The following AVEN variants were observed in gnomAD, a reference collection of about 807,000 sequenced individuals.
AVEN encodes the protein apoptosis and caspase activation inhibitor, also known as cell death regulator Aven.
Under a neutral mutation model 38.1 loss-of-function variants are expected in AVEN, and 41 were observed. That is an observed-to-expected ratio of 1.08 (90% CI 0.84 to 1.40). The LOEUF (loss-of-function observed/expected upper bound fraction) is 1.40, where lower values mean the gene tolerates loss of function less well. AVEN is among the 40% of genes most tolerant of loss of function. AVEN has a pLI of 0.00. For missense variants in AVEN, 605 were observed against 438.8 expected (o/e 1.38, Z -3.38); for synonymous variants, 206 against 171.8 (o/e 1.20, Z -1.56).
chr15:33,893,254 A>G (rs1450158800), intron 2 of AVEN, among the ~76,000 whole-genome samples: 3 of 152,180 alleles, frequency 2.0e-5, no homozygotes, highest in Non-Finnish European at 4.4e-5. Flanking sequence ...TTCCAACACT[A>G]TGTTGAATAG....
intron 2 of AVEN, among the ~76,000 whole-genome samples, chr15:33,997,518 C>T (rs1327067908): frequency 6.6e-6 from 1 of 152,058 alleles, no homozygotes; most frequent in Non-Finnish European, 1.5e-5. Flanking sequence ...ATATCATTAC[C>T]GTCATCCGCA....
chr15:33,871,755 T>C (rs1890961719), intron 3 of AVEN, among the ~76,000 whole-genome samples: 1 of 134,350 alleles, frequency 7.4e-6, no homozygotes, highest in South Asian at 2.6e-4. Context: ...TGCGAAGGTT[T>C]CAAACGAGCT....
chr15:33,880,921 T>C (rs571627878), intron 2 of AVEN, among the ~76,000 whole-genome samples: 1 of 151,888 alleles, frequency 6.6e-6, no homozygotes, highest in African/African-American at 2.4e-5. Context: ...CAAAATAAAA[T>C]ACACATAAAG....
At chr15:34,059,177 G>A (rs1305228175) in intron 5 of AVEN, among the ~76,000 whole-genome samples, 4 of 152,130 alleles carry the variant, frequency 2.6e-5, no homozygotes, top group African/African-American at 4.8e-5. Context: ...GATTACAGGC[G>A]TGAGCCACCA....
At chr15:33,940,444 C>T (rs939871115) in intron 2 of AVEN, among the ~76,000 whole-genome samples, 7 of 152,296 alleles carry the variant, frequency 4.6e-5, no homozygotes, top group South Asian at 2.1e-4. Context: ...CCCAGTACTG[C>T]GTCGCCAAGT....
chr15:33,932,311 T>C (rs1390410282), intron 2 of AVEN, among the ~76,000 whole-genome samples: 1 of 152,216 alleles, frequency 6.6e-6, no homozygotes, highest in East Asian at 1.9e-4. Context: ...GTGATTCACA[T>C]GTTAACAAGT....
At chr15:33,939,324 G>A (rs917569157) in intron 2 of AVEN, among the ~76,000 whole-genome samples, 1 of 152,196 alleles carries the variant, frequency 6.6e-6, no homozygotes, top group African/African-American at 2.4e-5. Context: ...TAAACTGCCA[G>A]AGTATCAAAT....
chr15:34,065,219 G>A (rs1194714954), intron 4 of AVEN: 2 of 152,444 alleles, frequency 1.3e-5, no homozygotes, highest in Admixed American at 1.3e-4. Context: ...TTGTGTAAGA[G>A]CCCTTCACTG....
chr15:34,046,068 G>A (rs995982932), intron 5 of AVEN, among the ~76,000 whole-genome samples: 33 of 151,892 alleles, frequency 2.2e-4, no homozygotes, highest in Non-Finnish European at 3.2e-4. Flanking sequence ...GAGCTCAAAA[G>A]GATCCACACT....
At chr15:33,930,038 A>G (rs1409188242) in intron 2 of AVEN, among the ~76,000 whole-genome samples, 2 of 152,256 alleles carry the variant, frequency 1.3e-5, no homozygotes, top group African/African-American at 4.8e-5. Context: ...GTGGAGAAAT[A>G]CTAAAGGGGC....
chr15:34,032,015 G>GCACACA (rs1471904549), intron 1 of AVEN, among the ~76,000 whole-genome samples: 4 of 109,314 alleles, frequency 3.7e-5, no homozygotes, highest in Admixed American at 1.0e-4. Flanking sequence ...ACACATACGC[G>GCACACA]CGCACACGCA....
chr15:33,962,538 T>C (rs75231905), intron 2 of AVEN, among the ~76,000 whole-genome samples: 99 of 152,296 alleles, frequency 6.5e-4, no homozygotes, highest in African/African-American at 2.3e-3. Context: ...CATCTATTAT[T>C]ACCTTAGTCT....
chr15:33,957,487 C>T (rs1398135785), intron 2 of AVEN, among the ~76,000 whole-genome samples: 1 of 152,114 alleles, frequency 6.6e-6, no homozygotes, highest in Non-Finnish European at 1.5e-5. Context: ...CAATCCTACT[C>T]CTACGTATTT....
rs1429813045 is a variant in AVEN at position 33,962,894 on chromosome 15, T to A, written c.445+40138A>T. On this transcript the variant is annotated intron_variant, in intron 2 of 5. Transcript: ENST00000306730. ...GAGATCGCGCCACTGCACTCCAGCC[T>A]GGGCGACACAGCGAAACTCGTTCTC... 6.2e-5 allele frequency among the ~76,000 whole-genome samples: 8 copies of A among 129,360 alleles called. 1 individual carries two copies. Among genetic ancestry groups the A allele is most frequent in the African/African-American group, 2.6e-4 (8 of 30,238 alleles). The allele number at this position is 129,360 out of a possible 152,430, so 84.9% of individuals were successfully genotyped here.
chr15:33,924,843 ATAAT>A (rs1304221298), intron 2 of AVEN, among the ~76,000 whole-genome samples: 3 of 152,334 alleles, frequency 2.0e-5, no homozygotes, highest in African/African-American at 7.2e-5. Context: ...TAGGTAATAA[ATAAT>A]TGAGAAAATT....
downstream of AVEN, among the ~76,000 whole-genome samples, chr15:33,864,519 G>C (rs113998313): frequency 6.6e-6 from 1 of 152,198 alleles, no homozygotes; most frequent in South Asian, 2.1e-4. Context: ...AAAAATCAGA[G>C]TACAACGGAG....
intron 1 of AVEN, among the ~76,000 whole-genome samples, chr15:34,029,127 C>A (rs192394093): frequency 2.6e-5 from 4 of 152,256 alleles, no homozygotes; most frequent in Non-Finnish European, 1.5e-5. Context: ...GCTTCCACAG[C>A]ACCTTCCCCT....
downstream of AVEN, among the ~76,000 whole-genome samples, chr15:33,863,614 C>G (rs1013958539): frequency 6.6e-6 from 1 of 152,130 alleles, no homozygotes; most frequent in Non-Finnish European, 1.5e-5. Context: ...GATCACAGAG[C>G]AAGTGAAACT....
chr15:34,038,585 C>T (rs111748206), intron 1 of AVEN, among the ~76,000 whole-genome samples, 195 bp downstream of exon 1: 1 of 150,096 alleles, frequency 6.7e-6, no homozygotes, highest in African/African-American at 2.5e-5. Flanking sequence ...GCCACGAGGG[C>T]CAAGCGCATA....
Sources: gnomAD v4.1 joint callset for allele counts (sites outside exome capture counted in the v4.1 genomes callset) on GRCh38, gnomAD v4.1.1 for gene constraint, MANE v1.5 for transcripts, NCBI Gene and HGNC (gene_info 2026-07-23, HGNC 2026-07-21) for gene names.